Variants in GRM1 observed in about 807,000 individuals in gnomAD.
GRM1 encodes glutamate metabotropic receptor 1, also known as metabotropic glutamate receptor 1.
In GRM1, 33 loss-of-function variants were observed where a neutral mutation model predicts 90.9. The ratio of observed to expected loss-of-function variants is 0.36; its 90% CI spans 0.28 to 0.49. GRM1 has a LOEUF of 0.49. Ranked by LOEUF, GRM1 falls within the 20% of genes least tolerant of loss-of-function variation. The probability of loss-of-function intolerance (pLI) is 0.99; values close to 1 mark genes in which losing one functional copy is unlikely to be tolerated. For synonymous variants in GRM1, 700 were observed against 613.2 expected (o/e 1.14, Z -2.09); for missense variants, 1,190 against 1,534.3 (o/e 0.78, Z 3.75).
At chr6:146,267,639 T>TGG (rs1781945201) in intron 2 of GRM1, among the ~76,000 whole-genome samples, 1 of 77,024 alleles carries the variant, frequency 1.3e-5, no homozygotes, top group African/African-American at 7.0e-5. Context: ...TGGGCTGGGC[T>TGG]GCGCTGGGCT....
In GRM1 at chr6:146,066,766, CAGAGAG is replaced by C. The variant is rs560090955; in HGVS notation, c.700+36573_700+36578del. Among the ~76,000 whole-genome samples, 520 of 60,152 alleles carry C rather than the reference CAGAGAG, an allele frequency of 8.6e-3. 4 individuals carry two copies. The highest frequency in any genetic ancestry group is 0.02 in the African/African-American group (423 of 20,842). The allele number at this position is 60,152 out of a possible 152,430, so 39.5% of individuals were successfully genotyped here. A position where few individuals can be genotyped will look rare whatever the true frequency, so the allele number is the denominator to read the frequency against. ...TTTTACATAATAATAGACAGACAGG[CAGAGAG>C]AGAGAGAGAGAGAGAGAGAGAGAAC... On this transcript the variant is annotated intron_variant, in intron 1 of 7. Coordinates refer to ENST00000282753, the MANE Select transcript of GRM1 (RefSeq NM_001278064.2).
chr6:146,030,474 G>A lies in GRM1; in HGVS notation c.700+257G>A, dbSNP rs552136408. The stretch of plus-strand genomic sequence containing the variant: ...TCAAACTTTCCATGCAAAGTGTCCA[G>A]CAGTAGATTTGACTTGAATACTTGT... On this transcript the variant is annotated intron_variant, in intron 1 of 7. Transcript: ENST00000282753. Among the ~76,000 whole-genome samples the A allele has an allele frequency of 8.5e-5, 13 of 152,318 alleles. No homozygotes were observed. In the East Asian group the frequency reaches 2.5e-3, roughly 29 times the overall value.
At chr6:146,059,265 G>A (rs1775583829) in intron 1 of GRM1, among the ~76,000 whole-genome samples, 1 of 152,088 alleles carries the variant, frequency 6.6e-6, no homozygotes, top group South Asian at 2.1e-4. Flanking sequence ...TGTTGTATTA[G>A]CAGCCATGAA....
intron 1 of GRM1, among the ~76,000 whole-genome samples, chr6:146,146,222 G>T: frequency 7.1e-6 from 1 of 140,282 alleles, no homozygotes; most frequent in African/African-American, 2.7e-5. Flanking sequence ...CCTAGTAGCT[G>T]GGACTACAGG....
intron 2 of GRM1, among the ~76,000 whole-genome samples, chr6:146,266,536 A>G (rs1261514563): frequency 6.6e-6 from 1 of 152,114 alleles, no homozygotes; most frequent in Non-Finnish European, 1.5e-5. Flanking sequence ...TAATATCAGC[A>G]TTTAATTAAT....
intron 3 of GRM1, among the ~76,000 whole-genome samples, chr6:146,314,594 C>T (rs373586918): frequency 2.6e-5 from 4 of 152,172 alleles, no homozygotes; most frequent in Admixed American, 1.3e-4. Flanking sequence ...TTTTAATTCA[C>T]CTGTTGGTCT....
chr6:146,118,693 A>C (rs958249075), intron 1 of GRM1, among the ~76,000 whole-genome samples: 3 of 152,078 alleles, frequency 2.0e-5, no homozygotes, highest in Admixed American at 1.3e-4. Flanking sequence ...CATGCGGTGC[A>C]TGGTTTTTGT....
At chr6:146,324,932 C>T (rs1017882534) in intron 3 of GRM1, among the ~76,000 whole-genome samples, 58 of 152,184 alleles carry the variant, frequency 3.8e-4, no homozygotes, top group African/African-American at 1.3e-3. Context: ...AAAATTACTG[C>T]GTTAAAATGC....
chr6:146,423,983 A>G (rs1242301098), intron 7 of GRM1, among the ~76,000 whole-genome samples: 2 of 152,138 alleles, frequency 1.3e-5, no homozygotes, highest in Non-Finnish European at 2.9e-5. Flanking sequence ...GTCCCACCAG[A>G]CACGGCCATC....
chr6:146,430,307 C>T (rs144778884), intron 7 of GRM1, among the ~76,000 whole-genome samples: 52 of 152,308 alleles, frequency 3.4e-4, no homozygotes, highest in African/African-American at 1.3e-3. Flanking sequence ...TAGCTGTCCA[C>T]ACAGTAACTA....
At position 146,292,347 on chromosome 6, in the gene GRM1, A is replaced by G. The variant is rs916861475; in HGVS notation, c.951-12264A>G. 3.9e-5 allele frequency among the ~76,000 whole-genome samples: 6 copies of G among 152,014 alleles called. No individual in the cohort carries two copies. The East Asian group carries it at 1.2e-3, about 29-fold the overall frequency. ...TGAAAAGACATTATCAAGAAAGTGA[A>G]AAGACAACATACAGAGTGGAAGAAA... On this transcript the variant is annotated intron_variant, in intron 2 of 7. Coordinates refer to ENST00000282753, the MANE Select transcript of GRM1 (RefSeq NM_001278064.2).
intron 1 of GRM1, among the ~76,000 whole-genome samples, chr6:146,086,445 G>T (rs1363630541): frequency 3.3e-5 from 5 of 152,086 alleles, no homozygotes; most frequent in Non-Finnish European, 7.4e-5. Flanking sequence ...GTGCTCATTT[G>T]CTCATTGCCA....
chr6:146,302,575 G>A (rs898916921), intron 2 of GRM1, among the ~76,000 whole-genome samples: 1 of 149,552 alleles, frequency 6.7e-6, no homozygotes, highest in Non-Finnish European at 1.5e-5. Flanking sequence ...TTATTTTGTA[G>A]AGATGGGGTT....
At chr6:146,174,390 C>T (rs941391946) in intron 2 of GRM1, among the ~76,000 whole-genome samples, 1 of 152,080 alleles carries the variant, frequency 6.6e-6, no homozygotes, top group Non-Finnish European at 1.5e-5. Context: ...AAATATAGCA[C>T]ATTATATAGT....
Position 146,434,187 on chromosome 6 carries a change from G to C in GRM1, c.2976G>C (p.Pro992=), listed in dbSNP as rs200487711. 5.9e-5 allele frequency: 95 copies of C among 1,612,900 alleles called. 4 individuals carry two copies. The South Asian group carries it at 9.2e-4, about 16-fold the overall frequency. Residue 992 remains proline, a synonymous_variant, in exon 8 of 8, where the codon CCG becomes CCC. Coordinates refer to ENST00000282753, the MANE Select transcript of GRM1 (RefSeq NM_001278064.2). ...GCGCGGCGACCACTCCGCCTCTGCCGTCCCACCTGACCGCAGAGGAGACCC... is the reference window on the plus strand; with the variant it reads ...GCGCGGCGACCACTCCGCCTCTGCCCTCCCACCTGACCGCAGAGGAGACCC... ...VPSAATTPPL[P]SHLTAEETPL...
chr6:146,402,660 G>A (rs903336756), intron 7 of GRM1, among the ~76,000 whole-genome samples: 9 of 152,176 alleles, frequency 5.9e-5, no homozygotes, highest in African/African-American at 1.9e-4. Context: ...CAGAACAGAT[G>A]CTGTAATGAA....
Position 146,357,574 on chromosome 6 carries a change from T to C in GRM1, c.1482T>C (p.Tyr494=), listed in dbSNP as rs1785634323. ...ACACTGAAGCTAATCGCTATGACTA[T>C]GTGCACGTTGGAACCTGGCATGAAG... ...LQYTEANRYD[Y]VHVGTWHEGV... is the part of the protein sequence containing the mutation. Residue 494 remains tyrosine (Y), a synonymous_variant, in exon 5 of 8, where the codon TAT becomes TAC. Coordinates refer to ENST00000282753, the MANE Select transcript of GRM1 (RefSeq NM_001278064.2). 2 of 1,613,786 alleles carry C rather than the reference T, an allele frequency of 1.2e-6. No homozygotes were observed. The highest frequency in any genetic ancestry group is 2.2e-5 in the East Asian group (1 of 44,878).
intron 2 of GRM1, among the ~76,000 whole-genome samples, chr6:146,290,431 A>G (rs373612410): frequency 6.4e-4 from 98 of 152,338 alleles, no homozygotes; most frequent in African/African-American, 2.2e-3. Context: ...TTATACAGGC[A>G]GGAAATAGAC....
At position 146,338,954 on chromosome 6, in the gene GRM1, C is replaced by G. The variant is rs1784873238; in HGVS notation, c.1187-13296C>G. Among the ~76,000 whole-genome samples, 4 of 152,298 alleles carry G rather than the reference C, an allele frequency of 2.6e-5. No individual in the cohort carries two copies. In the South Asian group the frequency reaches 8.3e-4, roughly 32 times the overall value. On this transcript the variant is annotated intron_variant, in intron 3 of 7. Transcript: ENST00000282753. ...GCCCAGCCTCCTCCATAAATCTTCC[C>G]TGGGATGCCACAGTGACTGCAGCAT...
Sources: gnomAD v4.1 joint callset for allele counts (sites outside exome capture counted in the v4.1 genomes callset) on GRCh38, gnomAD v4.1.1 for gene constraint, MANE v1.5 for transcripts, NCBI Gene and HGNC (gene_info 2026-07-23, HGNC 2026-07-21) for gene names.